The following CNTN4 variants were observed in gnomAD, a reference collection of about 807,000 sequenced individuals.
The protein encoded by CNTN4 is contactin-4.
In CNTN4, 77 loss-of-function variants were observed where a neutral mutation model predicts 122.5. The observed-to-expected ratio is 0.63, with a 90% CI of 0.52 to 0.76. The LOEUF is 0.76. CNTN4 is among the 30% of genes least tolerant of loss of function. CNTN4 has a pLI of 0.00. For synonymous variants in CNTN4, 512 were observed against 447.0 expected (o/e 1.15, Z -1.83); for missense variants, 1,256 against 1,259.1 (o/e 1.00, Z 0.04).
chr3:3,045,989 T>A (rs1227455333), intron 23 of CNTN4, among the ~76,000 whole-genome samples: 1 of 152,142 alleles, frequency 6.6e-6, no homozygotes, highest in Admixed American at 6.5e-5. Context: ...AGGCACAAGC[T>A]TCAGTAGCCA....
chr3:2,594,999 A>G (rs1009686285), intron 4 of CNTN4, among the ~76,000 whole-genome samples: 1 of 152,230 alleles, frequency 6.6e-6, no homozygotes, highest in Admixed American at 6.5e-5. Context: ...TCCCAATTCC[A>G]TCTCACATTG....
At chr3:2,794,882 C>T (rs114609925) in intron 6 of CNTN4, among the ~76,000 whole-genome samples, 3 of 152,142 alleles carry the variant, frequency 2.0e-5, no homozygotes, top group African/African-American at 4.8e-5. Context: ...GGCAAGGGAG[C>T]TCTGTCGGGC....
chr3:2,738,348 A>G (rs892468040), intron 5 of CNTN4, among the ~76,000 whole-genome samples: 1 of 152,214 alleles, frequency 6.6e-6, no homozygotes, highest in East Asian at 1.9e-4. Flanking sequence ...TATTCAGTAC[A>G]GTGAGAGAAA....
intron 12 of CNTN4, among the ~76,000 whole-genome samples, chr3:2,921,122 T>C (rs2094425619): frequency 6.6e-6 from 1 of 152,194 alleles, no homozygotes; most frequent in African/African-American, 2.4e-5. Context: ...ACTGCAGCCT[T>C]GAACTCCTGA....
At chr3:2,779,714 C>T (rs2091491188) in intron 6 of CNTN4, among the ~76,000 whole-genome samples, 1 of 152,054 alleles carries the variant, frequency 6.6e-6, no homozygotes, top group Non-Finnish European at 1.5e-5. Flanking sequence ...TACCTTGTGA[C>T]ATCACATGGG....
At chr3:2,936,836 A>G in intron 13 of CNTN4, among the ~76,000 whole-genome samples, 1 of 152,310 alleles carries the variant, frequency 6.6e-6, no homozygotes, top group East Asian at 1.9e-4. Flanking sequence ...TGACACGTAA[A>G]AATTATGCCG....
At chr3:2,794,585 A>G (rs2092111907) in intron 6 of CNTN4, among the ~76,000 whole-genome samples, 1 of 152,178 alleles carries the variant, frequency 6.6e-6, no homozygotes, top group African/African-American at 2.4e-5. Context: ...CTGTACCTCA[A>G]ATAGGGCATG....
intron 2 of CNTN4, among the ~76,000 whole-genome samples, chr3:2,156,643 ATGTT>A (rs367906877): frequency 8.4e-4 from 128 of 152,244 alleles, no homozygotes; most frequent in African/African-American, 2.9e-3. Context: ...CCCTCGGTAA[ATGTT>A]TGTTTTGGAG....
intron 8 of CNTN4, among the ~76,000 whole-genome samples, chr3:2,879,645 A>G (rs2093884580): frequency 6.6e-6 from 1 of 152,158 alleles, no homozygotes; most frequent in African/African-American, 2.4e-5. Flanking sequence ...AAAAAAAGCA[A>G]ATGTACAGAG....
At chr3:2,780,929 AAGT>A (rs2091542986) in intron 6 of CNTN4, among the ~76,000 whole-genome samples, 1 of 152,222 alleles carries the variant, frequency 6.6e-6, no homozygotes, top group African/African-American at 2.4e-5. Flanking sequence ...AACCCAAGTT[AAGT>A]AGAATATTTT....
intron 7 of CNTN4, among the ~76,000 whole-genome samples, chr3:2,838,346 G>A (rs555443739): frequency 2.9e-4 from 44 of 152,218 alleles, no homozygotes; most frequent in African/African-American, 1.0e-3. Context: ...TCTTTAATGT[G>A]AGTTATTGAG....
Position 2,736,239 on chromosome 3 carries a change from T to G in CNTN4, c.80T>G (p.Ile27Ser). The G allele has an allele frequency of 6.2e-7, 1 of 1,613,732 alleles. No individual in the cohort carries two copies. The highest frequency in any genetic ancestry group is 8.5e-7 in the Non-Finnish European group (1 of 1,179,760). ...LADDSTLHGPIFIQEPSPVMF... is the reference protein window; with the variant it reads ...LADDSTLHGPSFIQEPSPVMF... ...GATGATTCCACACTGCATGGCCCGA[T>G]TTTTATTCAAGAACCAAGTCCTGTA... Residue 27 changes from isoleucine to serine, a missense_variant, in exon 5 of 25, where the codon ATT becomes AGT. By Grantham distance (142) the Ile-to-Ser change is moderately radical (BLOSUM62 -2). Transcript: ENST00000418658.
chr3:2,845,145 A>G (rs1317037203), intron 7 of CNTN4, among the ~76,000 whole-genome samples: 1 of 152,152 alleles, frequency 6.6e-6, no homozygotes, highest in Non-Finnish European at 1.5e-5. Context: ...ACAAGCCAAT[A>G]AAAAAATTAA....
intron 7 of CNTN4, among the ~76,000 whole-genome samples, chr3:2,834,990 C>T (rs1166193623): frequency 1.4e-5 from 2 of 146,426 alleles, no homozygotes; most frequent in South Asian, 2.2e-4. Flanking sequence ...CTGCCAGCTC[C>T]GCCTCCCGGG....
intron 4 of CNTN4, among the ~76,000 whole-genome samples, chr3:2,610,712 G>GT (rs1191758646): frequency 6.6e-6 from 1 of 152,078 alleles, no homozygotes; most frequent in African/African-American, 2.4e-5. Context: ...AAATTAATAG[G>GT]TATCTCATAT....
At chr3:2,637,031 T>C (rs1370495633) in intron 4 of CNTN4, among the ~76,000 whole-genome samples, 3 of 150,640 alleles carry the variant, frequency 2.0e-5, no homozygotes, top group Non-Finnish European at 3.0e-5. Flanking sequence ...AACCTTGACT[T>C]TGAGGGCTCA....
At chr3:2,645,507 A>C (rs771781423) in intron 4 of CNTN4, among the ~76,000 whole-genome samples, 1 of 152,212 alleles carries the variant, frequency 6.6e-6, no homozygotes, top group Non-Finnish European at 1.5e-5. Context: ...TATACTGAAT[A>C]ATCTCATTTG....
At chr3:2,347,072 A>T (rs902300714) in intron 3 of CNTN4, among the ~76,000 whole-genome samples, 3 of 152,140 alleles carry the variant, frequency 2.0e-5, no homozygotes, top group Non-Finnish European at 4.4e-5. Flanking sequence ...TTCAGTTTTT[A>T]AATTTGTTGT....
intron 3 of CNTN4, among the ~76,000 whole-genome samples, chr3:2,413,668 C>G (rs953994990): frequency 8.6e-5 from 13 of 151,960 alleles, no homozygotes; most frequent in African/African-American, 2.9e-4. Flanking sequence ...CTCAGCCTCC[C>G]AAGTAGCTGG....
Sources: gnomAD v4.1 joint callset for allele counts (sites outside exome capture counted in the v4.1 genomes callset) on GRCh38, gnomAD v4.1.1 for gene constraint, MANE v1.5 for transcripts, NCBI Gene and HGNC (gene_info 2026-07-23, HGNC 2026-07-21) for gene names.